The following FAM135B variants were observed in gnomAD, a reference collection of about 807,000 sequenced individuals.
The protein encoded by FAM135B is family with sequence similarity 135 member B.
FAM135B carries 43 observed loss-of-function variants against 127.7 expected under a neutral mutation model. The ratio of observed to expected loss-of-function variants is 0.34; its 90% CI spans 0.26 to 0.43. The LOEUF (loss-of-function observed/expected upper bound fraction) is 0.43, where lower values mean the gene tolerates loss of function less well. Among genes scored for constraint, FAM135B ranks in the 20% least tolerant of loss-of-function variants. The pLI is 1.00. For synonymous variants in FAM135B, 670 were observed against 665.1 expected, an observed-to-expected ratio of 1.01 and a Z score of -0.11; for missense variants, 1,558 against 1,725.6, an observed-to-expected ratio of 0.90 and a Z score of 1.72.
intron 15 of FAM135B, 33 bp downstream of exon 15, chr8:138,145,926 G>T (rs2280849): frequency 0.1 from 115,983 of 1,148,602 alleles, 6,973 homozygotes; most frequent in East Asian, 0.22. Context: ...TGCATCCAGG[G>T]TTCTTCCAGT....
chr8:138,336,437 C>CCCACAGAAATAAAAACTAT lies in FAM135B; in HGVS notation c.78-25518_78-25517insATAGTTTTTATTTCTGTGG, dbSNP rs1243944205. On this transcript the variant is annotated intron_variant, in intron 2 of 19. Coordinates refer to ENST00000395297, the MANE Select transcript of FAM135B (RefSeq NM_015912.4). ...TAACAAAGGGGATATCACCACTGAT[C>CCCACAGAAATAAAAACTAT]CCACAGAAATAAAAACTACCATCAG... 1.2e-3 allele frequency among the ~76,000 whole-genome samples: 178 copies of CCCACAGAAATAAAAACTAT among 152,230 alleles called. 4 individuals are homozygous for CCCACAGAAATAAAAACTAT. The highest frequency in any genetic ancestry group is 0.012 in the Admixed American group (177 of 15,274).
chr8:138,255,758 C>T (rs899972732), intron 5 of FAM135B, among the ~76,000 whole-genome samples: 2 of 152,188 alleles, frequency 1.3e-5, no homozygotes, highest in African/African-American at 4.8e-5. Flanking sequence ...CAGGGGGTAC[C>T]TAAGCAGTCT....
At position 138,178,682 on chromosome 8, in the gene FAM135B, G is replaced by A. The variant is rs535928495; in HGVS notation, c.882C>T (p.Asn294=). The A allele has an allele frequency of 6.2e-7, 1 of 1,609,532 alleles. No homozygotes were observed. Among genetic ancestry groups the A allele is most frequent in the South Asian group, 1.1e-5 (1 of 90,824 alleles). The change falls in exon 10 of 20, where the codon AAC becomes AAT. Residue 294 remains asparagine (N), a synonymous_variant. Transcript: ENST00000395297. The part of the protein sequence containing the change: ...SQLCSELQML[N]NPEKIAEQIS... The stretch of plus-strand genomic sequence containing the variant: ...TCTGCTCAGCGATCTTCTCTGGATT[G>A]TTCAACATCTGGAGAGGCAAAAAAG...
At chr8:138,231,424 A>G (rs919799323) in intron 7 of FAM135B, among the ~76,000 whole-genome samples, 2 of 152,224 alleles carry the variant, frequency 1.3e-5, no homozygotes, top group African/African-American at 2.4e-5. Flanking sequence ...GGGGTTTAAC[A>G]TAACCGTTGT....
intron 3 of FAM135B, among the ~76,000 whole-genome samples, chr8:138,292,352 C>T (rs1825175138): frequency 1.3e-5 from 2 of 151,942 alleles, no homozygotes; most frequent in South Asian, 4.2e-4. Context: ...TTTAAAGCAA[C>T]CTATAGATTT....
chr8:138,201,159 A>G (rs752403334), intron 7 of FAM135B, among the ~76,000 whole-genome samples: 6 of 152,214 alleles, frequency 3.9e-5, no homozygotes, highest in Non-Finnish European at 7.3e-5. Context: ...ATGAATCCCC[A>G]GCTGACTTCA....
intron 2 of FAM135B, among the ~76,000 whole-genome samples, chr8:138,351,657 C>A (rs1371364972): frequency 6.7e-6 from 1 of 149,392 alleles, no homozygotes; most frequent in African/African-American, 2.5e-5. Flanking sequence ...CAAGACACCA[C>A]AAATTCCTAC....
chr8:138,153,052 C>G lies in FAM135B; in HGVS notation c.1423G>C (p.Glu475Gln). The change falls in exon 13 of 20, where the codon GAA becomes CAA. Residue 475 changes from glutamate (E) to glutamine (Q), a missense_variant. By Grantham distance (29) the Glu-to-Gln change is conservative (BLOSUM62 2). Around this residue, in one of 5 missense-constraint regions of FAM135B, gnomAD observed 923 missense variants for 865.3 expected, o/e 1.07. Transcript: ENST00000395297. ...IKPSQMDSDE[E>Q]VIRCPEPGEN... Reference sequence around the variant, plus strand: ...CCTGGCTCTGGACACCTTATAACTTCTTCATCAGAATCCATTTGGGATGGT... The same window carrying G: ...CCTGGCTCTGGACACCTTATAACTTGTTCATCAGAATCCATTTGGGATGGT... The G allele has an allele frequency of 6.2e-7, 1 of 1,614,180 alleles. No individual in the cohort carries two copies. Among genetic ancestry groups the G allele is most frequent in the Non-Finnish European group, 8.5e-7 (1 of 1,180,024 alleles).
chr8:138,479,958 A>G (rs529708676), intron 1 of FAM135B, among the ~76,000 whole-genome samples: 2 of 152,242 alleles, frequency 1.3e-5, no homozygotes, highest in African/African-American at 4.8e-5. Flanking sequence ...CCCATCAGGG[A>G]GGCTCAATTC....
At chr8:138,391,380 C>T (rs770471821) in intron 1 of FAM135B, among the ~76,000 whole-genome samples, 1 of 152,112 alleles carries the variant, frequency 6.6e-6, no homozygotes, top group Non-Finnish European at 1.5e-5. Flanking sequence ...CAGCTCCCTC[C>T]TTTCACCTCC....
chr8:138,475,369 C>A (rs1385245539), intron 1 of FAM135B, among the ~76,000 whole-genome samples: 2 of 152,160 alleles, frequency 1.3e-5, no homozygotes, highest in African/African-American at 4.8e-5. Flanking sequence ...ACATCAATAA[C>A]CCCTGAATTT....
At chr8:138,282,745 G>T (rs1046501595) in intron 3 of FAM135B, among the ~76,000 whole-genome samples, 1 of 152,142 alleles carries the variant, frequency 6.6e-6, no homozygotes, top group Non-Finnish European at 1.5e-5. Context: ...ACGGAAAAGG[G>T]CACAGACACT....
intron 1 of FAM135B, among the ~76,000 whole-genome samples, chr8:138,410,033 T>C (rs1833769629): frequency 6.6e-6 from 1 of 152,146 alleles, no homozygotes; most frequent in South Asian, 2.1e-4. Context: ...CACAGTTGAA[T>C]GAGACACTGT....
intron 2 of FAM135B, among the ~76,000 whole-genome samples, chr8:138,354,264 G>A (rs1829950474): frequency 2.6e-5 from 4 of 151,980 alleles, no homozygotes; most frequent in Admixed American, 6.6e-5. Context: ...CACCCTTCAT[G>A]ATCAATCTCC....
chr8:138,297,582 G>A (rs1357488455), intron 3 of FAM135B, among the ~76,000 whole-genome samples: 1 of 152,228 alleles, frequency 6.6e-6, no homozygotes, highest in African/African-American at 2.4e-5. Flanking sequence ...CTAGAGGTCA[G>A]TCCGTGGAAC....
At chr8:138,299,951 G>T (rs932871117) in intron 3 of FAM135B, among the ~76,000 whole-genome samples, 1 of 151,518 alleles carries the variant, frequency 6.6e-6, no homozygotes, top group Non-Finnish European at 1.5e-5. Flanking sequence ...ATCACCAAAA[G>T]TGAGAGTGGT....
chr8:138,378,880 C>T (rs1323236460), intron 1 of FAM135B, among the ~76,000 whole-genome samples: 1 of 152,104 alleles, frequency 6.6e-6, no homozygotes, highest in African/African-American at 2.4e-5. Flanking sequence ...TTCACAATCT[C>T]ATAAAAAGAT....
chr8:138,153,049 C>A lies in FAM135B; in HGVS notation c.1426G>T (p.Val476Phe), dbSNP rs373153841. 8.1e-6 allele frequency: 13 copies of A among 1,614,064 alleles called. No homozygotes were observed. The African/African-American group carries it at 1.7e-4, about 22-fold the overall frequency. The part of the protein sequence containing the change: ...KPSQMDSDEE[V>F]IRCPEPGENV... ...TCACCTGGCTCTGGACACCTTATAA[C>A]TTCTTCATCAGAATCCATTTGGGAT... is the stretch of plus-strand genomic sequence containing the variant. Residue 476 changes from valine to phenylalanine, a missense_variant, in exon 13 of 20, where the codon GTT (valine) becomes TTT (phenylalanine). Transcript: ENST00000395297.
At chr8:138,425,356 T>C (rs1834780524) in intron 1 of FAM135B, 1 of 152,140 alleles carries the variant, frequency 6.6e-6, no homozygotes, top group Non-Finnish European at 1.5e-5. Flanking sequence ...GAGCATAGCT[T>C]TCAGGCCACA....
Sources: allele counts gnomAD v4.1 joint callset (sites outside exome capture counted in the v4.1 genomes callset), GRCh38; gene constraint gnomAD v4.1.1; regional missense constraint gnomAD v4.1.1; transcripts MANE v1.5; gene names NCBI Gene and HGNC (gene_info 2026-07-23, HGNC 2026-07-21).